Variants in SERPINC1 observed in about 807,000 individuals in gnomAD.
SERPINC1 encodes the protein serpin family C member 1.
SERPINC1 carries 12 observed loss-of-function variants against 43.4 expected under a neutral mutation model. The ratio of observed to expected loss-of-function variants is 0.28; its 90% CI spans 0.18 to 0.45. The LOEUF is 0.45. Ranked by LOEUF, SERPINC1 falls within the 20% of genes least tolerant of loss-of-function variation. SERPINC1 has a pLI of 1.00. For missense variants in SERPINC1, 423 were observed against 578.8 expected (o/e 0.73, Z 2.76); for synonymous variants, 210 against 218.9 (o/e 0.96, Z 0.36).
intron 1 of SERPINC1, chr1:173,915,292 A>G (rs1377601355): frequency 1.8e-6 from 1 of 544,466 alleles, no homozygotes. Flanking sequence ...AGGGGGAGCC[A>G]TCTACAGAAA....
chr1:173,909,416 A>G (rs2102782135), intron 5 of SERPINC1, 136 bp downstream of exon 5: 3 of 894,440 alleles, frequency 3.4e-6, no homozygotes, highest in Middle Eastern at 3.4e-4. Flanking sequence ...AGATTTCCAC[A>G]AATTAGCAGT....
At chr1:173,917,098 G>T in intron 1 of SERPINC1, 121 bp downstream of exon 1, 1 of 858,634 alleles carries the variant, frequency 1.2e-6, no homozygotes, top group South Asian at 1.4e-5. Context: ...ACAGGTCTTT[G>T]ACTGTAACTA....
chr1:173,910,371 G>A (rs985129962), intron 4 of SERPINC1, among the ~76,000 whole-genome samples: 2 of 152,110 alleles, frequency 1.3e-5, no homozygotes, highest in East Asian at 1.9e-4. Flanking sequence ...GAGGTCAGGA[G>A]ATCAAGACTA....
At chr1:173,907,279 G>A (rs949717303) in intron 6 of SERPINC1, among the ~76,000 whole-genome samples, 171 bp downstream of exon 6, 6 of 152,146 alleles carry the variant, frequency 3.9e-5, no homozygotes, top group African/African-American at 1.4e-4. Flanking sequence ...AGAGGTAGTG[G>A]GAGGGAAGGC....
intron 5 of SERPINC1, among the ~76,000 whole-genome samples, chr1:173,908,022 A>ATAATAT (rs1463900320): frequency 1.5e-5 from 2 of 132,234 alleles, no homozygotes; most frequent in African/African-American, 6.0e-5. Context: ...AATAATAATA[A>ATAATAT]TAATAAAAGT....
At chr1:173,912,236 A>G (rs2227626) in intron 2 of SERPINC1, among the ~76,000 whole-genome samples, 5 of 152,330 alleles carry the variant, frequency 3.3e-5, no homozygotes, top group Non-Finnish European at 7.4e-5. Flanking sequence ...AAGAGAGACT[A>G]GGTTGCCACC....
chr1:173,907,999 TA>T (rs1657598166), intron 5 of SERPINC1, among the ~76,000 whole-genome samples: 3 of 114,344 alleles, frequency 2.6e-5, no homozygotes, highest in Admixed American at 1.8e-4. Flanking sequence ...ATAATAATAA[TA>T]ATAATAATAA....
intron 1 of SERPINC1, among the ~76,000 whole-genome samples, chr1:173,916,535 C>A (rs1657998009): frequency 6.6e-6 from 1 of 152,162 alleles, no homozygotes; most frequent in Non-Finnish European, 1.5e-5. Context: ...AGGAGAGGAC[C>A]CTGCCATTCA....
At chr1:173,905,414 TGAGGCAATTAAAATATCTCA>T (rs1657451779) in intron 6 of SERPINC1, among the ~76,000 whole-genome samples, 1 of 152,138 alleles carries the variant, frequency 6.6e-6, no homozygotes, top group Admixed American at 6.5e-5. Context: ...TGCTATCATT[TGAGGCAATTAAAATATCTCA>T]GTAGGCCGGG....
intron 2 of SERPINC1, among the ~76,000 whole-genome samples, chr1:173,913,499 G>A (rs2227602): frequency 0.062 from 9,339 of 151,746 alleles, 1,002 homozygotes; most frequent in African/African-American, 0.21. Flanking sequence ...CCTAGGCCCC[G>A]TGCAGTGGCT....
chr1:173,905,267 CTT>C (rs1657446212), intron 6 of SERPINC1, among the ~76,000 whole-genome samples: 1 of 152,234 alleles, frequency 6.6e-6, no homozygotes, highest in Non-Finnish European at 1.5e-5. Flanking sequence ...ATACAGCACT[CTT>C]GTAAAATCCC....
chr1:173,915,968 C>T (rs1308199967), intron 1 of SERPINC1, among the ~76,000 whole-genome samples: 1 of 152,124 alleles, frequency 6.6e-6, no homozygotes, highest in Admixed American at 6.5e-5. Flanking sequence ...TTTAGTCAAA[C>T]CCCAGAGTCA....
chr1:173,912,422 T>A (rs764776317), intron 2 of SERPINC1, among the ~76,000 whole-genome samples: 1 of 152,020 alleles, frequency 6.6e-6, no homozygotes, highest in Non-Finnish European at 1.5e-5. Context: ...ATACTGGTGG[T>A]AGGGGTGAAA....
intron 5 of SERPINC1, among the ~76,000 whole-genome samples, chr1:173,908,817 C>T (rs948717619): frequency 6.6e-6 from 1 of 152,168 alleles, no homozygotes; most frequent in Admixed American, 6.5e-5. Flanking sequence ...ACCTCAGCCT[C>T]CCAAAGTGCT....
chr1:173,906,048 G>C (rs542383169), intron 6 of SERPINC1, among the ~76,000 whole-genome samples: 4 of 152,002 alleles, frequency 2.6e-5, no homozygotes, highest in Non-Finnish European at 4.4e-5. Context: ...CATTCTTTTC[G>C]ATTTCTTTGA....
At chr1:173,913,147 A>G (rs1263700031) in intron 2 of SERPINC1, among the ~76,000 whole-genome samples, 2 of 152,198 alleles carry the variant, frequency 1.3e-5, no homozygotes, top group African/African-American at 4.8e-5. Flanking sequence ...TAAGCACCGT[A>G]TACCATCTTG....
At chr1:173,915,027 C>T in intron 1 of SERPINC1, 108 bp from the exon 2 acceptor site, 2 of 1,538,846 alleles carry the variant, frequency 1.3e-6, no homozygotes, top group South Asian at 2.4e-5. Flanking sequence ...CCTGGTGTGG[C>T]CAAGAGAAAG....
intron 5 of SERPINC1, among the ~76,000 whole-genome samples, chr1:173,908,346 C>A (rs1167075472): frequency 1.3e-5 from 2 of 151,454 alleles, no homozygotes; most frequent in African/African-American, 4.9e-5. Context: ...AAAAATTAGC[C>A]GGGCGTGGTG....
intron 1 of SERPINC1, among the ~76,000 whole-genome samples, chr1:173,916,476 G>A (rs999967654): frequency 2.6e-4 from 40 of 152,350 alleles, no homozygotes; most frequent in African/African-American, 8.7e-4. Flanking sequence ...GAGAGAAGCA[G>A]CGGCACCAAG....
Sources: gnomAD v4.1 joint callset for allele counts (sites outside exome capture counted in the v4.1 genomes callset) on GRCh38, gnomAD v4.1.1 for gene constraint, MANE v1.5 for transcripts, NCBI Gene and HGNC (gene_info 2026-07-23, HGNC 2026-07-21) for gene names.